The following TOX variants were observed in gnomAD, a reference collection of about 807,000 sequenced individuals.
The protein encoded by TOX is thymocyte selection associated high mobility group box.
A neutral mutation model predicts 53.7 loss-of-function variants in TOX; 11 were observed. The ratio of observed to expected loss-of-function variants is 0.20; its 90% CI spans 0.13 to 0.34. The LOEUF is 0.34. Ranked by LOEUF, TOX falls within the 10% of genes least tolerant of loss-of-function variation. TOX has a pLI of 1.00. For synonymous variants in TOX, 225 were observed against 245.3 expected (o/e 0.92, Z 0.77); for missense variants, 570 against 664.6 (o/e 0.86, Z 1.56).
At chr8:58,991,093 C>T (rs1367877068) in intron 1 of TOX, among the ~76,000 whole-genome samples, 3 of 152,172 alleles carry the variant, frequency 2.0e-5, no homozygotes, top group Non-Finnish European at 4.4e-5. Flanking sequence ...TACAGCTAGG[C>T]TCAAACTCAG....
chr8:59,066,258 T>A (rs1412112406), intron 1 of TOX, among the ~76,000 whole-genome samples: 1 of 152,230 alleles, frequency 6.6e-6, no homozygotes, highest in Non-Finnish European at 1.5e-5. Flanking sequence ...GATTATTTAA[T>A]GAACAAATAA....
At chr8:58,857,242 A>T (rs16924099) in intron 3 of TOX, among the ~76,000 whole-genome samples, 1,944 of 152,268 alleles carry the variant, frequency 0.013, 33 homozygotes, top group African/African-American at 0.044. Flanking sequence ...CTAGGGCTCA[A>T]ATGTCTCAAA....
chr8:58,843,110 A>G (rs187006452), intron 4 of TOX, among the ~76,000 whole-genome samples: 1 of 152,364 alleles, frequency 6.6e-6, no homozygotes, highest in African/African-American at 2.4e-5. Context: ...AGCCAGTCTT[A>G]TAAGATTATA....
At chr8:59,037,698 G>C (rs766464368) in intron 1 of TOX, among the ~76,000 whole-genome samples, 2 of 151,384 alleles carry the variant, frequency 1.3e-5, no homozygotes, top group African/African-American at 2.4e-5. Flanking sequence ...GCTACTTGGG[G>C]GGCTGAAGCA....
intron 1 of TOX, among the ~76,000 whole-genome samples, chr8:59,049,339 G>C (rs1434316696): frequency 1.3e-5 from 2 of 151,936 alleles, no homozygotes; most frequent in African/African-American, 4.8e-5. Flanking sequence ...CCTCTTCGTT[G>C]GATCACAAAG....
Position 58,846,680 on chromosome 8 carries a change from C to T in TOX, c.693+4844G>A, listed in dbSNP as rs561645069. Reference sequence around the variant, plus strand: ...AGTAACAAACTCTTAAAGGCAAAAACGAAGTGAACTCAGAGACGACGCGTG... The same window carrying T: ...AGTAACAAACTCTTAAAGGCAAAAATGAAGTGAACTCAGAGACGACGCGTG... On this transcript the variant is annotated intron_variant, in intron 4 of 8. Coordinates refer to ENST00000361421, the MANE Select transcript of TOX (RefSeq NM_014729.3). Among the ~76,000 whole-genome samples, 402 of 152,204 alleles carry T rather than the reference C, an allele frequency of 2.6e-3. 2 individuals carry two copies. Among genetic ancestry groups the T allele is most frequent in the Non-Finnish European group, 1.9e-3 (130 of 67,976 alleles).
chr8:59,062,774 AAG>A (rs1285135906), intron 1 of TOX, among the ~76,000 whole-genome samples: 1 of 152,142 alleles, frequency 6.6e-6, no homozygotes, highest in African/African-American at 2.4e-5. Context: ...TTATTTGGAA[AAG>A]AGAGAGGGTG....
intron 1 of TOX, among the ~76,000 whole-genome samples, chr8:59,019,844 A>G (rs1168766084): frequency 2.6e-5 from 4 of 152,216 alleles, no homozygotes; most frequent in African/African-American, 9.6e-5. Flanking sequence ...CATATATTCT[A>G]CAATTCGGCC....
At chr8:58,892,797 T>G (rs1291541160) in intron 3 of TOX, among the ~76,000 whole-genome samples, 1 of 152,222 alleles carries the variant, frequency 6.6e-6, no homozygotes, top group Non-Finnish European at 1.5e-5. Context: ...GCATTAATTC[T>G]GTACGACCTT....
intron 4 of TOX, among the ~76,000 whole-genome samples, chr8:58,848,517 A>G (rs559895219): frequency 2.6e-5 from 4 of 152,284 alleles, no homozygotes; most frequent in African/African-American, 9.6e-5. Context: ...GTAAAAGGAT[A>G]GAAAAATATA....
Position 59,062,253 on chromosome 8 carries a change from C to T in TOX, c.102+56633G>A, listed in dbSNP as rs115886074. ...GTGGAAAAGGAGGAGGTCCTAACTC[C>T]GCAGAGGCTGAGGAAGGCCTTCTGG... On this transcript the variant is annotated intron_variant, in intron 1 of 8. Transcript: ENST00000361421. Among the ~76,000 whole-genome samples, 352 of 152,128 alleles carry T rather than the reference C, an allele frequency of 2.3e-3. 3 individuals are homozygous for T. Among genetic ancestry groups the T allele is most frequent in the African/African-American group, 8.2e-3 (341 of 41,504 alleles).
chr8:59,082,271 C>A (rs1453719681), intron 1 of TOX, among the ~76,000 whole-genome samples: 1 of 152,226 alleles, frequency 6.6e-6, no homozygotes, highest in Non-Finnish European at 1.5e-5. Context: ...AAAAAATCTT[C>A]CACGGAGAAT....
At chr8:59,108,674 AC>A (rs1169155716) in intron 1 of TOX, among the ~76,000 whole-genome samples, 3 of 150,546 alleles carry the variant, frequency 2.0e-5, no homozygotes, top group African/African-American at 7.5e-5. Context: ...ACACACACAC[AC>A]ACACACACAC....
chr8:59,101,463 A>G (rs1391904546), intron 1 of TOX, among the ~76,000 whole-genome samples: 1 of 152,184 alleles, frequency 6.6e-6, no homozygotes, highest in African/African-American at 2.4e-5. Context: ...AGGAATCTAC[A>G]TCTCTTAGTC....
Position 59,117,999 on chromosome 8 carries a change from A to AC in TOX, c.102+886dup, listed in dbSNP as rs1164289875. Among the ~76,000 whole-genome samples the AC allele has an allele frequency of 6.6e-6, 1 of 151,502 alleles. No individual in the cohort carries two copies. Among genetic ancestry groups the AC allele is most frequent in the Non-Finnish European group, 1.5e-5 (1 of 67,820 alleles). On this transcript the variant is annotated intron_variant, in intron 1 of 8. Coordinates refer to ENST00000361421, the MANE Select transcript of TOX (RefSeq NM_014729.3). The surrounding 1 kb of genome is among the most constrained non-coding windows in gnomAD (Gnocchi z 4.6). ...CCGGGAGAGTAACCCCCTCCCTCGT[A>AC]CCCCCTGACTGTCCTATAGGTGGAC...
At position 59,107,049 on chromosome 8, in the gene TOX, G is replaced by GGC. The variant is rs879873685; in HGVS notation, c.102+11836_102+11837insGC. On this transcript the variant is annotated intron_variant, in intron 1 of 8. Transcript: ENST00000361421. ...ATGATCTTATAAAGCAGTTTGCTGG[G>GGC]GGGGGGGGGAACGTGACATTTCTAA... Among the ~76,000 whole-genome samples, 13 of 130,154 alleles carry GGC rather than the reference G, an allele frequency of 1.0e-4. No homozygotes were observed. The Admixed American group carries it at 1.0e-3, about 10-fold the overall frequency. 85.4% of individuals were successfully genotyped at this position (130,154 alleles called of 152,430 possible).
chr8:59,095,243 G>GT (rs377409113), intron 1 of TOX, among the ~76,000 whole-genome samples: 73 of 144,768 alleles, frequency 5.0e-4, no homozygotes, highest in South Asian at 1.7e-3. Flanking sequence ...TAAAAGAGTT[G>GT]TTTTTTTTTT....
At chr8:58,830,817 G>A (rs1340994068) in intron 5 of TOX, among the ~76,000 whole-genome samples, 1 of 152,080 alleles carries the variant, frequency 6.6e-6, no homozygotes. Context: ...TTCAAATGTC[G>A]TTTTTCCCAC....
chr8:58,957,466 G>T (rs943817929), intron 2 of TOX, among the ~76,000 whole-genome samples: 12 of 152,158 alleles, frequency 7.9e-5, no homozygotes, highest in South Asian at 4.1e-4. Flanking sequence ...TAGCTTAAGA[G>T]GTAGAGAATG....
Sources: gnomAD v4.1 joint callset for allele counts (sites outside exome capture counted in the v4.1 genomes callset) on GRCh38, gnomAD v4.1.1 for gene constraint, Gnocchi (gnomAD v3.1) non-coding constraint, MANE v1.5 for transcripts, NCBI Gene and HGNC (gene_info 2026-07-23, HGNC 2026-07-21) for gene names.